The following ZNF839 variants were observed in gnomAD, a reference collection of about 807,000 sequenced individuals.
The protein encoded by ZNF839 is zinc finger protein 839.
A neutral mutation model predicts 56.4 loss-of-function variants in ZNF839; 38 were observed. The observed-to-expected ratio is 0.67, with a 90% CI of 0.52 to 0.88. ZNF839 has a LOEUF of 0.88. Among genes scored for constraint, ZNF839 ranks in the 40% least tolerant of loss-of-function variants. The probability of loss-of-function intolerance (pLI) is 0.00; values close to 1 mark genes in which losing one functional copy is unlikely to be tolerated. For synonymous variants in ZNF839, 486 were observed against 493.5 expected, an observed-to-expected ratio of 0.98 and a Z score of 0.20; for missense variants, 1,091 against 1,177.6, an observed-to-expected ratio of 0.93 and a Z score of 1.08.
Position 102,335,680 on chromosome 14 carries a change from T to G in ZNF839, c.1510-9T>G. On this transcript the variant is annotated splice_polypyrimidine_tract_variant and intron_variant, in intron 4 of 7. Coordinates refer to ENST00000442396, the MANE Select transcript of ZNF839 (RefSeq NM_018335.6). The stretch of plus-strand genomic sequence containing the variant: ...TTAAACTTTTTTTTTGGTCTTTATC[T>G]TCACGAAGGTTGAAAAAGATCATCT... The G allele has an allele frequency of 6.3e-7, 1 of 1,584,264 alleles. No individual in the cohort carries two copies. The highest frequency in any genetic ancestry group is 1.8e-5 in the Admixed American group (1 of 55,864).
chr14:102,320,445 C>T (rs2073068869), intron 1 of ZNF839, among the ~76,000 whole-genome samples: 1 of 152,208 alleles, frequency 6.6e-6, no homozygotes, highest in South Asian at 2.1e-4. Context: ...AAGCCTTGAA[C>T]ACACTTGCTG....
At position 102,326,223 on chromosome 14, in the gene ZNF839, G is replaced by A. The variant is rs372978171; in HGVS notation, c.527G>A (p.Gly176Glu). 3 of 1,613,824 alleles carry A rather than the reference G, an allele frequency of 1.9e-6. No homozygotes were observed. In the African/African-American group the frequency reaches 4.0e-5, roughly 22 times the overall value. ...LSDLCQPPAQ[G>E]FVQRPLPALQ... ...GACTTATGCCAACCTCCTGCTCAGG[G>A]GTTTGTACAGAGACCACTGCCAGCC... Residue 176 changes from glycine to glutamate, a missense_variant, in exon 2 of 8, where the codon GGG (glycine) becomes GAG (glutamate). This residue lies in a region of ZNF839 where 614 missense variants were observed against 629.2 expected (regional missense o/e 0.98). Transcript: ENST00000442396. The surrounding 1 kb of genome is among the most constrained non-coding windows in gnomAD (Gnocchi z 4.3).
At chr14:102,340,700 G>A (rs1285956956) in intron 7 of ZNF839, among the ~76,000 whole-genome samples, 2 of 152,048 alleles carry the variant, frequency 1.3e-5, no homozygotes, top group African/African-American at 2.4e-5. Context: ...GTGGATGTGA[G>A]TATTTGGAAA....
intron 1 of ZNF839, 107 bp downstream of exon 1, chr14:102,320,160 C>A: frequency 9.6e-7 from 1 of 1,040,724 alleles, no homozygotes; most frequent in Non-Finnish European, 1.2e-6. Flanking sequence ...CGGGTTAAGA[C>A]TCAGGGCGTC....
upstream of ZNF839, among the ~76,000 whole-genome samples, chr14:102,318,855 G>T (rs1044554458): frequency 1.3e-5 from 2 of 152,298 alleles, no homozygotes; most frequent in Middle Eastern, 3.4e-3. Context: ...CCCTTGGGAA[G>T]TTTCCTCCTT....
intron 7 of ZNF839, among the ~76,000 whole-genome samples, chr14:102,340,052 A>C (rs1425850221): frequency 1.3e-5 from 2 of 151,734 alleles, no homozygotes; most frequent in Non-Finnish European, 2.9e-5. Context: ...GGCTCACTGC[A>C]ACCTCTGCCT....
chr14:102,319,215 T>TAATA (rs2072993696), upstream of ZNF839: 1 of 152,226 alleles, frequency 6.6e-6, no homozygotes, highest in South Asian at 2.1e-4. This position sits in a 1 kb window ranked among gnomAD's most constrained non-coding sequence, Gnocchi z 4.5. Context: ...ACCGATTGTG[T>TAATA]AATATATCAT....
At chr14:102,337,051 T>C in intron 5 of ZNF839, 1 of 151,034 alleles carries the variant, frequency 6.6e-6, no homozygotes, top group Non-Finnish European at 1.5e-5. Context: ...CTTCCTTATG[T>C]GGGTTTTTGG....
chr14:102,338,872 C>A lies in ZNF839; in HGVS notation c.1716C>A (p.Asp572Glu). 1.9e-6 allele frequency: 3 copies of A among 1,613,950 alleles called. No homozygotes were observed. Among genetic ancestry groups the A allele is most frequent in the Non-Finnish European group, 2.5e-6 (3 of 1,179,888 alleles). ...TACGGAAGAAAGAAATACACCCAGA[C>A]AACCTTGGACCCAAGCACCTCAGCC... is the stretch of plus-strand genomic sequence containing the variant. ...EFLRKKEIHP[D>E]NLGPKHLSRD... The change falls in exon 6 of 8, where the codon GAC becomes GAA. Residue 572 changes from aspartate to glutamate, a missense_variant. Asp to Glu is a conservative substitution (Grantham distance 45). Coordinates refer to ENST00000442396, the MANE Select transcript of ZNF839 (RefSeq NM_018335.6).
In ZNF839 at chr14:102,334,644, A is replaced by T. The variant is rs1418156988; in HGVS notation, c.1507A>T (p.Lys503Ter). The T allele has an allele frequency of 6.2e-7, 1 of 1,603,656 alleles. No homozygotes were observed. The highest frequency in any genetic ancestry group is 2.2e-5 in the East Asian group (1 of 44,802). ...GACCGTGTATGAGTTTCTTCTGATG[A>T]AGGTGAGTACTCTTAGTGTTTCTAA... The part of the protein sequence containing the change: ...VVTVYEFLLM[K>*]VEKDHLAKPF... Residue 503 changes from lysine (K) to a stop codon, truncating the protein, a stop_gained and splice_region_variant, in exon 4 of 8, where the codon AAG becomes TAG. Transcript: ENST00000442396. LOFTEE classifies it high-confidence loss of function.
rs201298008 is a variant in ZNF839 at position 102,334,587 on chromosome 14, G to A, written c.1450G>A (p.Glu484Lys). 1 of 1,612,464 alleles carries A rather than the reference G, an allele frequency of 6.2e-7. No homozygotes were observed. The highest frequency in any genetic ancestry group is 2.2e-5 in the East Asian group (1 of 44,870). ...LQQCDREDLV[E>K]LALPQLAQVV... is the part of the protein sequence containing the mutation. ...GCAGTGTGACCGGGAGGATCTGGTG[G>A]AATTGGCTCTGCCTCAGCTGGCTCA... is the stretch of plus-strand genomic sequence containing the variant. The change falls in exon 4 of 8, where the codon GAA (glutamate) becomes AAA (lysine). Residue 484 changes from glutamate (E) to lysine (K), a missense_variant. Glu to Lys is a moderately conservative substitution (Grantham distance 56, BLOSUM62 1). Around this residue, in one of 3 missense-constraint regions of ZNF839, gnomAD observed 614 missense variants for 629.2 expected, o/e 0.98. Coordinates refer to ENST00000442396, the MANE Select transcript of ZNF839 (RefSeq NM_018335.6).
intron 1 of ZNF839, 94 bp downstream of exon 1, chr14:102,320,147 G>GCC: frequency 9.5e-7 from 1 of 1,047,180 alleles, no homozygotes; most frequent in South Asian, 4.6e-5. Context: ...GCCAGTATCC[G>GCC]CCCGGGTTAA....
upstream of ZNF839, chr14:102,319,637 G>C (rs1225725074): frequency 1.7e-6 from 2 of 1,196,146 alleles, no homozygotes; most frequent in South Asian, 8.6e-5. This position sits in a 1 kb window ranked among gnomAD's most constrained non-coding sequence, Gnocchi z 4.5. Context: ...CGACTTTCCC[G>C]GCCAGACACG....
intron 2 of ZNF839, among the ~76,000 whole-genome samples, chr14:102,327,903 G>GTGT (rs10676427): frequency 0.33 from 50,671 of 151,672 alleles, 11,755 homozygotes; most frequent in African/African-American, 0.66. Flanking sequence ...ATTACAGAGG[G>GTGT]TGTTGAGAAA....
chr14:102,338,485 C>T (rs1597733468), intron 5 of ZNF839, among the ~76,000 whole-genome samples: 1 of 146,480 alleles, frequency 6.8e-6, no homozygotes, highest in Non-Finnish European at 1.5e-5. Context: ...TTGTGGTAAG[C>T]CAAGATCATG....
chr14:102,326,168 A>G lies in ZNF839; in HGVS notation c.472A>G (p.Arg158Gly). 6.2e-7 allele frequency: 1 copy of G among 1,613,794 alleles called. No individual in the cohort carries two copies. Residue 158 changes from arginine (R) to glycine (G), a missense_variant, in exon 2 of 8, where the codon AGA becomes GGA. This residue lies in a region of ZNF839 where 614 missense variants were observed against 629.2 expected (regional missense o/e 0.98). Transcript: ENST00000442396. The surrounding 1 kb of genome is among the most constrained non-coding windows in gnomAD (Gnocchi z 4.3). ...PQLLRVQPLV[R>G]TEPQSCFLSD... ...GCTGCTCAGGGTACAGCCGCTTGTG[A>G]GAACCGAGCCACAGTCCTGCTTCCT...
rs780480411 is a variant in ZNF839 at position 102,341,511 on chromosome 14, T to G, written c.2116T>G (p.Tyr706Asp). 2.5e-6 allele frequency: 4 copies of G among 1,603,562 alleles called. No homozygotes were observed. The highest frequency in any genetic ancestry group is 1.7e-6 in the Non-Finnish European group (2 of 1,173,776). The change falls in exon 8 of 8, where the codon TAT becomes GAT. Residue 706 changes from tyrosine (Y) to aspartate (D), a missense_variant. Tyr to Asp is a radical substitution (Grantham distance 160, BLOSUM62 -3). Transcript: ENST00000442396. ...SSRDVSGLPV[Y>D]AQSGEPRRLT... is the part of the protein sequence containing the mutation. ...CCGGGATGTCAGTGGGCTGCCTGTT[T>G]ATGCTCAGTCAGGAGAGCCTAGGAG...
Position 102,326,392 on chromosome 14 carries a change from G to A in ZNF839, c.696G>A (p.Leu232=), listed in dbSNP as rs781136173. The change falls in exon 2 of 8, where the codon TTG becomes TTA. Residue 232 remains leucine (L), a synonymous_variant. Coordinates refer to ENST00000442396, the MANE Select transcript of ZNF839 (RefSeq NM_018335.6). The surrounding 1 kb of genome is among the most constrained non-coding windows in gnomAD (Gnocchi z 4.3). ...SSSAHPFISN[L]HTRHTEKLKK... is the part of the protein sequence containing the mutation. ...CAGCACATCCATTTATTTCCAACTT[G>A]CATACAAGACATACTGAGAAACTAA... 1.2e-6 allele frequency: 2 copies of A among 1,612,512 alleles called. No homozygotes were observed. The highest frequency in any genetic ancestry group is 8.5e-7 in the Non-Finnish European group (1 of 1,179,186).
chr14:102,324,911 C>T (rs926464815), intron 1 of ZNF839, among the ~76,000 whole-genome samples: 1 of 147,464 alleles, frequency 6.8e-6, no homozygotes, highest in Non-Finnish European at 1.5e-5. Context: ...GATAGTGTCG[C>T]TCCACTCCAG....
Sources: gnomAD v4.1 joint callset for allele counts (sites outside exome capture counted in the v4.1 genomes callset) on GRCh38, gnomAD v4.1.1 for gene constraint, gnomAD v4.1.1 regional missense constraint, Gnocchi (gnomAD v3.1) non-coding constraint, MANE v1.5 for transcripts, NCBI Gene and HGNC (gene_info 2026-07-23, HGNC 2026-07-21) for gene names.